TPTE: variants seen among roughly 807,000 people sequenced by gnomAD.
TPTE encodes the protein transmembrane phosphatase with tensin homology.
Under a neutral mutation model 84.1 loss-of-function variants are expected in TPTE, and 59 were observed. The ratio of observed to expected loss-of-function variants is 0.70; its 90% CI spans 0.57 to 0.87. The LOEUF is 0.87. Among genes scored for constraint, TPTE ranks in the 40% least tolerant of loss-of-function variants. The pLI is 0.00. For missense variants in TPTE, 382 were observed against 659.6 expected (o/e 0.58, Z 4.61); for synonymous variants, 130 against 223.5 (o/e 0.58, Z 3.73).
At chr21:10,586,620 A>T (rs2075370791) in intron 17 of TPTE, among the ~76,000 whole-genome samples, 1 of 152,306 alleles carries the variant, frequency 6.6e-6, no homozygotes, top group Admixed American at 6.5e-5. Flanking sequence ...ATTTGATTGA[A>T]TTTTAATAAT....
At chr21:10,574,825 G>C (rs2075119006) in intron 14 of TPTE, among the ~76,000 whole-genome samples, 1 of 152,312 alleles carries the variant, frequency 6.6e-6, no homozygotes, top group Non-Finnish European at 1.5e-5. Context: ...CATGCCACCA[G>C]GGCTGTGGAT....
intron 8 of TPTE, among the ~76,000 whole-genome samples, chr21:10,555,926 C>CAAG (rs1191042354): frequency 6.6e-6 from 1 of 152,308 alleles, no homozygotes; most frequent in Non-Finnish European, 1.5e-5. Flanking sequence ...TATCTTCTTC[C>CAAG]ACACCTTGAA....
At chr21:10,528,123 G>A (rs1287465894) in intron 3 of TPTE, among the ~76,000 whole-genome samples, 4 of 152,278 alleles carry the variant, frequency 2.6e-5, no homozygotes, top group African/African-American at 7.2e-5. Context: ...AGTACCAGGT[G>A]CCAAATAACA....
rs376501437 is a variant in TPTE, at chr21:10,593,630, G to A, written c.1170+1257G>A. On this transcript the variant is annotated intron_variant, in intron 19 of 23. Transcript: ENST00000618007. ...ATATTCTCAGTAACTCTGTGAGTAG[G>A]CACTACTATGATTCTCATAAATTAG... 6.4e-4 allele frequency among the ~76,000 whole-genome samples: 98 copies of A among 152,088 alleles called. No individual in the cohort carries two copies. In the East Asian group the frequency reaches 0.019, roughly 30 times the overall value.
At chr21:10,566,090 A>G (rs1419471054) in intron 10 of TPTE, among the ~76,000 whole-genome samples, 1 of 152,312 alleles carries the variant, frequency 6.6e-6, no homozygotes, top group African/African-American at 2.4e-5. Flanking sequence ...AATGGGAGAA[A>G]ATATTTGCAA....
chr21:10,553,652 T>TA (rs1268696114), intron 8 of TPTE, among the ~76,000 whole-genome samples: 10 of 152,300 alleles, frequency 6.6e-5, no homozygotes, highest in South Asian at 2.1e-4. Flanking sequence ...ATTACATAGA[T>TA]ATAGGAGGAA....
chr21:10,579,735 T>A (rs2145738009), intron 17 of TPTE, among the ~76,000 whole-genome samples: 1 of 152,430 alleles, frequency 6.6e-6, no homozygotes, highest in Admixed American at 6.5e-5. Flanking sequence ...GGCTGAATAG[T>A]ATGCCTTTAA....
chr21:10,543,902 A>G (rs1461099438), intron 7 of TPTE, among the ~76,000 whole-genome samples: 3 of 152,306 alleles, frequency 2.0e-5, no homozygotes, highest in Non-Finnish European at 4.4e-5. Flanking sequence ...TGGAACATGG[A>G]CTTGTCCCAC....
intron 3 of TPTE, among the ~76,000 whole-genome samples, chr21:10,534,180 TA>T (rs2074228459): frequency 6.6e-6 from 1 of 152,312 alleles, no homozygotes; most frequent in African/African-American, 2.4e-5. Context: ...TTCATTTAAT[TA>T]AACAACTATA....
intron 8 of TPTE, among the ~76,000 whole-genome samples, chr21:10,557,570 T>C (rs1027334373): frequency 6.6e-6 from 1 of 152,310 alleles, no homozygotes; most frequent in Non-Finnish European, 1.5e-5. Flanking sequence ...GAATGGCAAC[T>C]TGAGGAGAGA....
At chr21:10,523,954 C>T (rs1295005701) in intron 1 of TPTE, among the ~76,000 whole-genome samples, 1 of 152,310 alleles carries the variant, frequency 6.6e-6, no homozygotes. Flanking sequence ...TCCTCTCCAG[C>T]ACCTGTTGTT....
rs2075582244 is a variant in TPTE at position 10,596,081 on chromosome 21, A to T, written c.1270A>T (p.Ile424Phe). Residue 424 changes from isoleucine to phenylalanine, a missense_variant, in exon 20 of 24, where the codon ATT becomes TTT. By Grantham distance (21) the Ile-to-Phe change is conservative. Transcript: ENST00000618007. ...TATAAAACACTTCATTATTTATTCG[A>T]TTCCTCGTAAGTGCTTTATGTATAA... ...LFIKHFIIYS[I>F]PRYVRDLKIQ... 6.2e-7 allele frequency: 1 copy of T among 1,614,048 alleles called. No individual in the cohort carries two copies. The highest frequency in any genetic ancestry group is 8.5e-7 in the Non-Finnish European group (1 of 1,179,866).
At chr21:10,536,038 G>A (rs1478443496) in intron 3 of TPTE, among the ~76,000 whole-genome samples, 5 of 152,310 alleles carry the variant, frequency 3.3e-5, no homozygotes, top group Admixed American at 2.0e-4. Context: ...AGCACTTTGG[G>A]AGGCCAAGAC....
At chr21:10,545,795 G>A (rs923989680) in intron 7 of TPTE, among the ~76,000 whole-genome samples, 1 of 151,666 alleles carries the variant, frequency 6.6e-6, no homozygotes, top group African/African-American at 2.4e-5. Flanking sequence ...CTACATATGT[G>A]CATATTTAAA....
At chr21:10,587,522 A>G (rs2075387835) in intron 17 of TPTE, among the ~76,000 whole-genome samples, 2 of 150,830 alleles carry the variant, frequency 1.3e-5, no homozygotes, top group South Asian at 2.1e-4. Context: ...TTCCAGCTGC[A>G]TCCATGATGC....
chr21:10,562,105 G>T (rs1333088152), intron 10 of TPTE, among the ~76,000 whole-genome samples: 8 of 152,310 alleles, frequency 5.3e-5, no homozygotes, highest in Non-Finnish European at 1.2e-4. Context: ...TGGTAATGCA[G>T]AGAATTATCC....
intron 23 of TPTE, among the ~76,000 whole-genome samples, 199 bp from the exon 24 acceptor site, chr21:10,605,218 G>A (rs1162241238): frequency 6.6e-6 from 1 of 152,310 alleles, no homozygotes; most frequent in East Asian, 1.9e-4. Context: ...ATGTGTTACT[G>A]ATGTGTTGCT....
At position 10,542,563 on chromosome 21, in the gene TPTE, T is replaced by TTCATC. The variant is rs2074389728; in HGVS notation, c.119+115_119+116insTCATC. ...TCCATCCATCCATCCATCCATCCAT[T>TTCATC]CATCCATCCATCCATCCATCCATCC... On this transcript the variant is annotated intron_variant, in intron 6 of 23. Coordinates refer to ENST00000618007, the MANE Select transcript of TPTE (RefSeq NM_199261.4). 72 of 821,904 alleles carry TTCATC rather than the reference T, an allele frequency of 8.8e-5. No individual in the cohort carries two copies. In the African/African-American group the frequency reaches 1.1e-3, roughly 12 times the overall value. 50.9% of individuals were successfully genotyped at this position (821,904 alleles called of 1,614,324 possible).
At chr21:10,600,367 G>T (rs1162504209) in intron 21 of TPTE, among the ~76,000 whole-genome samples, 1 of 152,298 alleles carries the variant, frequency 6.6e-6, no homozygotes, top group Non-Finnish European at 1.5e-5. Context: ...TCAAACTCTT[G>T]ACCTCAGGTG....
Sources: gnomAD v4.1 joint callset for allele counts (sites outside exome capture counted in the v4.1 genomes callset) on GRCh38, gnomAD v4.1.1 for gene constraint, MANE v1.5 for transcripts, NCBI Gene and HGNC (gene_info 2026-07-23, HGNC 2026-07-21) for gene names.